The following RIMS2 variants were observed in gnomAD, a reference collection of about 807,000 sequenced individuals.
The protein encoded by RIMS2 is regulating synaptic membrane exocytosis protein 2.
In RIMS2, 59 loss-of-function variants were observed where a neutral mutation model predicts 174.4. The ratio of observed to expected loss-of-function variants is 0.34; its 90% CI spans 0.27 to 0.42. RIMS2 has a LOEUF of 0.42. Among genes scored for constraint, RIMS2 ranks in the 10% least tolerant of loss-of-function variants. The probability of loss-of-function intolerance (pLI) is 1.00; values close to 1 mark genes in which losing one functional copy is unlikely to be tolerated. For missense variants in RIMS2, 1,620 were observed against 1,666.3 expected, an observed-to-expected ratio of 0.97 and a Z score of 0.48; for synonymous variants, 606 against 572.5, an observed-to-expected ratio of 1.06 and a Z score of -0.84.
intron 19 of RIMS2, among the ~76,000 whole-genome samples, chr8:104,195,624 C>T (rs1006525882): frequency 1.3e-5 from 2 of 151,894 alleles, no homozygotes; most frequent in South Asian, 4.2e-4. Flanking sequence ...AAGCAATTCT[C>T]CCGCCTCAGC....
intron 3 of RIMS2, among the ~76,000 whole-genome samples, chr8:103,842,499 C>A (rs968944500): frequency 1.3e-5 from 2 of 151,938 alleles, no homozygotes; most frequent in African/African-American, 4.8e-5. Flanking sequence ...TAATTATTAT[C>A]AATTATTACT....
At chr8:103,916,118 TC>T (rs1442604164) in intron 7 of RIMS2, among the ~76,000 whole-genome samples, 1 of 152,026 alleles carries the variant, frequency 6.6e-6, no homozygotes, top group African/African-American at 2.4e-5. Context: ...AGTCATAAAA[TC>T]TTTAAGGAGG....
intron 3 of RIMS2, among the ~76,000 whole-genome samples, chr8:103,807,161 C>T (rs571023180): frequency 6.6e-6 from 1 of 152,134 alleles, no homozygotes; most frequent in East Asian, 1.9e-4. Context: ...GGGCCTTGGA[C>T]ATTCCACACA....
chr8:104,063,397 A>T (rs1394680043), intron 19 of RIMS2, among the ~76,000 whole-genome samples: 1 of 152,188 alleles, frequency 6.6e-6, no homozygotes. Flanking sequence ...ACAACTCCAC[A>T]TATGACTGTT....
chr8:104,187,679 A>G (rs2098975529), intron 19 of RIMS2, among the ~76,000 whole-genome samples: 1 of 151,792 alleles, frequency 6.6e-6, no homozygotes, highest in Admixed American at 6.6e-5. Context: ...TCATATTCAT[A>G]TTTTTATTGA....
intron 19 of RIMS2, among the ~76,000 whole-genome samples, chr8:104,109,853 A>G (rs2131651869): frequency 6.6e-6 from 1 of 152,300 alleles, no homozygotes; most frequent in South Asian, 2.1e-4. Flanking sequence ...ATAGTTTGAT[A>G]TGGTTGACCT....
At chr8:103,568,609 G>T (rs2092566868) in intron 1 of RIMS2, 2 of 572,096 alleles carry the variant, frequency 3.5e-6, no homozygotes, top group Admixed American at 2.1e-5. Flanking sequence ...ACTGTGATCA[G>T]TTGTGACTGT....
chr8:103,947,227 A>G (rs2084017260), intron 14 of RIMS2, among the ~76,000 whole-genome samples: 1 of 152,226 alleles, frequency 6.6e-6, no homozygotes, highest in African/African-American at 2.4e-5. Context: ...CAAAAGCTTG[A>G]TCAATAAAAA....
Position 103,834,165 on chromosome 8 carries a change from T to G in RIMS2, c.699-51133T>G, listed in dbSNP as rs549266687. On this transcript the variant is annotated intron_variant, in intron 3 of 23. Coordinates refer to ENST00000504942, the Ensembl canonical transcript of RIMS2. ...GCTGGAACTACAGGCATGCATCATT[T>G]TTTTAAAAAATTTTTTGTAGAGACA... 3.4e-4 allele frequency among the ~76,000 whole-genome samples: 51 copies of G among 152,092 alleles called. 1 individual carries two copies. In the South Asian group the frequency reaches 7.7e-3, roughly 23 times the overall value.
intron 1 of RIMS2, among the ~76,000 whole-genome samples, chr8:103,567,008 C>T (rs2092410802): frequency 1.3e-5 from 2 of 152,294 alleles, no homozygotes; most frequent in South Asian, 4.1e-4. Flanking sequence ...TTTTCCCTTC[C>T]CTCATCCTAG....
intron 3 of RIMS2, among the ~76,000 whole-genome samples, chr8:103,814,629 CT>C (rs2098707730): frequency 1.3e-5 from 2 of 152,044 alleles, no homozygotes. Context: ...AATCCTAGCA[CT>C]TTGGGAGGCT....
intron 19 of RIMS2, among the ~76,000 whole-genome samples, chr8:104,094,263 A>T (rs2097714696): frequency 6.6e-6 from 1 of 152,058 alleles, no homozygotes; most frequent in South Asian, 2.1e-4. Context: ...TTGTAAAAGG[A>T]AAATATGATT....
At chr8:103,835,103 C>CT (rs528538789) in intron 3 of RIMS2, among the ~76,000 whole-genome samples, 18,864 of 130,702 alleles carry the variant, frequency 0.14, 1,538 homozygotes, top group Middle Eastern at 0.2. Flanking sequence ...CTTTTCTTTT[C>CT]TTTTTTTTTT....
chr8:104,086,539 G>T (rs1428720602), intron 19 of RIMS2, among the ~76,000 whole-genome samples: 6 of 151,962 alleles, frequency 3.9e-5, no homozygotes, highest in Non-Finnish European at 5.9e-5. Context: ...CAAGCCTTAG[G>T]GAAGGTCATA....
chr8:103,998,275 T>A, intron 17 of RIMS2: 1 of 1,543,570 alleles, frequency 6.5e-7, no homozygotes, highest in Non-Finnish European at 8.9e-7. Context: ...CAATTGAGTC[T>A]GTTTGTGGAA....
chr8:104,236,753 A>G (rs1354414829), intron 19 of RIMS2, among the ~76,000 whole-genome samples: 1 of 152,158 alleles, frequency 6.6e-6, no homozygotes, highest in Non-Finnish European at 1.5e-5. Context: ...CAGGAATTAG[A>G]AACATAAAAA....
intron 17 of RIMS2, among the ~76,000 whole-genome samples, chr8:104,012,117 C>A (rs1039501097): frequency 2.0e-5 from 3 of 151,654 alleles, no homozygotes; most frequent in African/African-American, 7.3e-5. Context: ...TCCTGAGGCA[C>A]TTATATGAAA....
chr8:103,686,306 A>G (rs1386021836), intron 1 of RIMS2, among the ~76,000 whole-genome samples: 1 of 152,214 alleles, frequency 6.6e-6, no homozygotes, highest in South Asian at 2.1e-4. Flanking sequence ...TCTAATCTGT[A>G]AGCTTTTTAT....
chr8:103,813,648 C>A (rs2098702291), intron 3 of RIMS2, among the ~76,000 whole-genome samples: 1 of 152,074 alleles, frequency 6.6e-6, no homozygotes, highest in Non-Finnish European at 1.5e-5. Context: ...TGGGAGCATG[C>A]AGTGTTTGGT....
Sources: allele counts gnomAD v4.1 joint callset (sites outside exome capture counted in the v4.1 genomes callset), GRCh38; gene constraint gnomAD v4.1.1; transcripts MANE v1.5; gene names NCBI Gene and HGNC (gene_info 2026-07-23, HGNC 2026-07-21).